The following EFNA5 variants were observed in gnomAD, a reference collection of about 807,000 sequenced individuals.
The protein encoded by EFNA5 is ephrin-A5.
Under a neutral mutation model 22.9 loss-of-function variants are expected in EFNA5, and 5 were observed. That is an observed-to-expected ratio of 0.22 (90% CI 0.11 to 0.46). EFNA5 has a LOEUF of 0.46. Among genes scored for constraint, EFNA5 ranks in the 20% least tolerant of loss-of-function variants. EFNA5 has a pLI of 0.99. For synonymous variants in EFNA5, 113 were observed against 112.2 expected (o/e 1.01, Z -0.04); for missense variants, 237 against 293.3 (o/e 0.81, Z 1.40).
At chr5:107,519,490 G>A (rs1226299159) in intron 1 of EFNA5, among the ~76,000 whole-genome samples, 1 of 152,168 alleles carries the variant, frequency 6.6e-6, no homozygotes, top group East Asian at 1.9e-4. Flanking sequence ...ATTTCATCCT[G>A]TAGAAAGCCC....
At chr5:107,603,496 G>A (rs992008325) in intron 1 of EFNA5, among the ~76,000 whole-genome samples, 3 of 152,096 alleles carry the variant, frequency 2.0e-5, no homozygotes, top group South Asian at 2.1e-4. Flanking sequence ...TGAACAATAC[G>A]CATGAACCAA....
intron 1 of EFNA5, among the ~76,000 whole-genome samples, chr5:107,607,723 G>A (rs950697955): frequency 1.3e-5 from 2 of 152,082 alleles, no homozygotes; most frequent in Non-Finnish European, 2.9e-5. Context: ...GAGTGGAGGG[G>A]GAGAGGAAGG....
At chr5:107,611,325 T>C (rs1423746834) in intron 1 of EFNA5, among the ~76,000 whole-genome samples, 1 of 152,242 alleles carries the variant, frequency 6.6e-6, no homozygotes, top group Non-Finnish European at 1.5e-5. Flanking sequence ...CATTAGTTGA[T>C]ATTTTAACCT....
intron 1 of EFNA5, among the ~76,000 whole-genome samples, chr5:107,655,005 C>T (rs943884748): frequency 1.5e-5 from 2 of 135,242 alleles, no homozygotes; most frequent in African/African-American, 2.5e-5. Flanking sequence ...AATCAACATG[C>T]GCTCATGGAA....
At chr5:107,627,860 C>T (rs1750174613) in intron 1 of EFNA5, among the ~76,000 whole-genome samples, 1 of 152,086 alleles carries the variant, frequency 6.6e-6, no homozygotes, top group South Asian at 2.1e-4. Flanking sequence ...ATTAGCATTG[C>T]TCACTGTCAA....
intron 1 of EFNA5, among the ~76,000 whole-genome samples, chr5:107,634,662 A>C (rs1275933464): frequency 6.8e-6 from 1 of 146,262 alleles, no homozygotes. Context: ...TTCTTTACCC[A>C]CATAGGCAGA....
intron 1 of EFNA5, among the ~76,000 whole-genome samples, chr5:107,592,289 TAA>T (rs971041785): frequency 1.3e-5 from 2 of 151,112 alleles, no homozygotes; most frequent in African/African-American, 4.9e-5. Context: ...CATTTAAAAA[TAA>T]GTTTGTATAA....
chr5:107,416,467 T>C (rs1748508302), intron 2 of EFNA5, among the ~76,000 whole-genome samples: 1 of 152,168 alleles, frequency 6.6e-6, no homozygotes, highest in Non-Finnish European at 1.5e-5. Flanking sequence ...AGCCTCAGTT[T>C]CCTCATCTAT....
intron 1 of EFNA5, among the ~76,000 whole-genome samples, chr5:107,488,322 A>C (rs1439755777): frequency 1.3e-5 from 2 of 152,202 alleles, no homozygotes; most frequent in African/African-American, 4.8e-5. Context: ...CATTGTATAA[A>C]GTAATGTTTC....
chr5:107,480,039 T>C (rs1010640233), intron 1 of EFNA5, among the ~76,000 whole-genome samples: 1 of 152,218 alleles, frequency 6.6e-6, no homozygotes, highest in Admixed American at 6.5e-5. Flanking sequence ...AATTCTACAA[T>C]GTGATGTCTA....
chr5:107,598,724 C>T (rs1176602462), intron 1 of EFNA5, among the ~76,000 whole-genome samples: 1 of 152,038 alleles, frequency 6.6e-6, no homozygotes, highest in Non-Finnish European at 1.5e-5. Context: ...TTTTTGCTCA[C>T]GGCCAGTTAT....
intron 2 of EFNA5, among the ~76,000 whole-genome samples, chr5:107,402,806 T>C (rs1382936410): frequency 1.3e-5 from 2 of 152,320 alleles, no homozygotes; most frequent in East Asian, 3.9e-4. Flanking sequence ...CTAAATCAAG[T>C]CTTCGGGCAA....
intron 1 of EFNA5, among the ~76,000 whole-genome samples, chr5:107,580,800 C>G (rs901991856): frequency 6.6e-6 from 1 of 151,564 alleles, no homozygotes; most frequent in African/African-American, 2.4e-5. Flanking sequence ...AATAAGCATG[C>G]GCCCACATTG....
chr5:107,450,255 C>T (rs1409744371), intron 1 of EFNA5, among the ~76,000 whole-genome samples: 4 of 152,104 alleles, frequency 2.6e-5, no homozygotes, highest in Admixed American at 2.6e-4. Context: ...GGGACCTCCA[C>T]GTGTTTGTTT....
intron 1 of EFNA5, among the ~76,000 whole-genome samples, chr5:107,628,150 C>T (rs1380552836): frequency 6.6e-6 from 1 of 151,990 alleles, no homozygotes; most frequent in Non-Finnish European, 1.5e-5. Context: ...ATAGGAATAA[C>T]GATGCACCAA....
chr5:107,508,738 G>A (rs946588728), intron 1 of EFNA5, among the ~76,000 whole-genome samples: 1 of 152,228 alleles, frequency 6.6e-6, no homozygotes. Context: ...AGTAATACAA[G>A]TATAAGCAAT....
intron 1 of EFNA5, among the ~76,000 whole-genome samples, chr5:107,574,361 T>C (rs1309061788): frequency 8.5e-6 from 1 of 117,396 alleles, no homozygotes; most frequent in East Asian, 2.0e-4. Flanking sequence ...AGCCCTCCCT[T>C]GCAAAAAAAA....
chr5:107,508,800 C>T (rs1378205450), intron 1 of EFNA5, among the ~76,000 whole-genome samples: 2 of 152,072 alleles, frequency 1.3e-5, no homozygotes, highest in African/African-American at 4.8e-5. Context: ...AAGTTAATTC[C>T]ACTTAAAGGT....
At chr5:107,420,349 A>G (rs1452355690) in intron 2 of EFNA5, among the ~76,000 whole-genome samples, 3 of 152,070 alleles carry the variant, frequency 2.0e-5, no homozygotes, top group Non-Finnish European at 4.4e-5. Flanking sequence ...TCCTTAAACA[A>G]TATTTCATCG....
Sources: allele counts gnomAD v4.1 joint callset (sites outside exome capture counted in the v4.1 genomes callset), GRCh38; gene constraint gnomAD v4.1.1; transcripts MANE v1.5; gene names NCBI Gene and HGNC (gene_info 2026-07-23, HGNC 2026-07-21).